The following FBXL7 variants were observed in gnomAD, a reference collection of about 807,000 sequenced individuals.
FBXL7 encodes the protein F-box and leucine rich repeat protein 7.
Under a neutral mutation model 38.3 loss-of-function variants are expected in FBXL7, and 12 were observed. That is an observed-to-expected ratio of 0.31 (90% confidence interval 0.20 to 0.51). The LOEUF (loss-of-function observed/expected upper bound fraction) is 0.51, where lower values mean the gene tolerates loss of function less well. FBXL7 is among the 20% of genes least tolerant of loss of function. The pLI is 0.98. For synonymous variants in FBXL7, 297 were observed against 300.9 expected, an observed-to-expected ratio of 0.99 and a Z score of 0.13; for missense variants, 567 against 676.4, an observed-to-expected ratio of 0.84 and a Z score of 1.79.
chr5:15,671,769 C>T (rs1742486540), intron 2 of FBXL7, among the ~76,000 whole-genome samples: 1 of 152,120 alleles, frequency 6.6e-6, no homozygotes, highest in Non-Finnish European at 1.5e-5. Context: ...TGCATTGAAA[C>T]CAAACAATTA....
chr5:15,838,890 A>G (rs1344213065), intron 2 of FBXL7, among the ~76,000 whole-genome samples: 1 of 152,180 alleles, frequency 6.6e-6, no homozygotes, highest in African/African-American at 2.4e-5. Context: ...TTATCTTTAC[A>G]TTATATTTTG....
intron 1 of FBXL7, among the ~76,000 whole-genome samples, chr5:15,606,392 G>T (rs1740019129): frequency 6.6e-6 from 1 of 152,182 alleles, no homozygotes; most frequent in Non-Finnish European, 1.5e-5. Flanking sequence ...GCTGTGGTGG[G>T]AATTCTCCGC....
intron 1 of FBXL7, among the ~76,000 whole-genome samples, chr5:15,546,566 C>A (rs1737900665): frequency 6.6e-6 from 1 of 151,278 alleles, no homozygotes; most frequent in African/African-American, 2.4e-5. Context: ...GACTCTGTCT[C>A]CAAAAAAAAC....
At chr5:15,813,335 C>A (rs1737920267) in intron 2 of FBXL7, among the ~76,000 whole-genome samples, 1 of 152,122 alleles carries the variant, frequency 6.6e-6, no homozygotes, top group South Asian at 2.1e-4. Context: ...AAAGGATTCC[C>A]TATTTAATAA....
At chr5:15,825,580 A>T (rs559562088) in intron 2 of FBXL7, among the ~76,000 whole-genome samples, 29 of 152,334 alleles carry the variant, frequency 1.9e-4, no homozygotes, top group African/African-American at 6.5e-4. Flanking sequence ...TAGACCTGTC[A>T]TGTTTGTATC....
chr5:15,515,943 CAG>C (rs1284735500), intron 1 of FBXL7, among the ~76,000 whole-genome samples: 1 of 152,118 alleles, frequency 6.6e-6, no homozygotes, highest in Non-Finnish European at 1.5e-5. Context: ...AATTTAAAAA[CAG>C]ATGATTAGCT....
chr5:15,649,067 G>T (rs1014579744), intron 2 of FBXL7, among the ~76,000 whole-genome samples: 2 of 152,038 alleles, frequency 1.3e-5, no homozygotes, highest in African/African-American at 4.8e-5. Context: ...CATGATCTTG[G>T]CTCACTGCAA....
rs759730282 is a variant in FBXL7 at position 15,508,800 on chromosome 5, C to T, written c.37+8087C>T. On this transcript the variant is annotated intron_variant, in intron 1 of 3. Transcript: ENST00000504595. ...TATGCATGTGAGTGTATTATACATA[C>T]GTGTTTATATCTATCTAAATATATT... Among the ~76,000 whole-genome samples the T allele has an allele frequency of 5.4e-4, 82 of 152,142 alleles. 1 individual carries two copies. Among genetic ancestry groups the T allele is most frequent in the East Asian group, 1.2e-3 (6 of 5,176 alleles).
chr5:15,578,337 C>T (rs190612314), intron 1 of FBXL7, among the ~76,000 whole-genome samples: 199 of 152,182 alleles, frequency 1.3e-3, no homozygotes, highest in Non-Finnish European at 6.0e-4. Flanking sequence ...CCCCTTTCGG[C>T]AACAATTAGG....
In FBXL7 at chr5:15,551,264, C is replaced by T. The variant is rs115029339; in HGVS notation, c.37+50551C>T. 5.2e-3 allele frequency among the ~76,000 whole-genome samples: 793 copies of T among 152,276 alleles called. 4 individuals carry two copies. Among genetic ancestry groups the T allele is most frequent in the Middle Eastern group, 0.01 (3 of 294 alleles). On this transcript the variant is annotated intron_variant, in intron 1 of 3. Transcript: ENST00000504595. ...GCTTTCTCAGAACGTGTACTTGACC[C>T]GGAGCATCTACGTTGCCATGGAACT...
At chr5:15,566,658 C>T (rs947604456) in intron 1 of FBXL7, among the ~76,000 whole-genome samples, 13 of 152,114 alleles carry the variant, frequency 8.5e-5, no homozygotes, top group Non-Finnish European at 1.6e-4. Context: ...TTTTGAGAAG[C>T]ATATTTTATC....
rs61099822 is a variant in FBXL7 at position 15,799,927 on chromosome 5, G to GTT, written c.128-127955_128-127954dup. Reference sequence around the variant, plus strand: ...TTGAAAATGTGTACTGTCATAAAGTGTTTTTTTTTATTTTGTTGTTTTAAT... The same window carrying GTT: ...TTGAAAATGTGTACTGTCATAAAGTGTTTTTTTTTTTATTTTGTTGTTTTAAT... On this transcript the variant is annotated intron_variant, in intron 2 of 3. Coordinates refer to ENST00000504595, the MANE Select transcript of FBXL7 (RefSeq NM_012304.5). 5.7e-3 allele frequency among the ~76,000 whole-genome samples: 867 copies of GTT among 151,290 alleles called. 9 individuals carry two copies. Among genetic ancestry groups the GTT allele is most frequent in the African/African-American group, 0.02 (810 of 41,230 alleles).
intron 2 of FBXL7, among the ~76,000 whole-genome samples, chr5:15,674,724 C>A (rs1379432677): frequency 6.6e-6 from 1 of 152,214 alleles, no homozygotes; most frequent in Non-Finnish European, 1.5e-5. Flanking sequence ...AGCCCAATCT[C>A]TCCTAATCAC....
At position 15,760,241 on chromosome 5, in the gene FBXL7, A is replaced by G. The variant is rs886858149; in HGVS notation, c.127+144169A>G. Among the ~76,000 whole-genome samples, 4 of 152,148 alleles carry G rather than the reference A, an allele frequency of 2.6e-5. No homozygotes were observed. The South Asian group carries it at 6.2e-4, about 24-fold the overall frequency. On this transcript the variant is annotated intron_variant, in intron 2 of 3. Transcript: ENST00000504595. The stretch of plus-strand genomic sequence containing the variant: ...CATTGTGCACACCTACAAAGCATGC[A>G]CAAACCATAGCTGATCATTCTGCAG...
intron 2 of FBXL7, among the ~76,000 whole-genome samples, chr5:15,787,961 G>C (rs1737173391): frequency 6.6e-6 from 1 of 152,186 alleles, no homozygotes; most frequent in Admixed American, 6.5e-5. Flanking sequence ...AACTAAAAAT[G>C]TCAACAGTGC....
chr5:15,725,357 G>A (rs1744315825), intron 2 of FBXL7, among the ~76,000 whole-genome samples: 1 of 151,838 alleles, frequency 6.6e-6, no homozygotes, highest in African/African-American at 2.4e-5. Flanking sequence ...TCATCTCTAA[G>A]CATTTTCTAA....
chr5:15,610,692 C>A (rs1273486175), intron 1 of FBXL7, among the ~76,000 whole-genome samples: 1 of 152,194 alleles, frequency 6.6e-6, no homozygotes, highest in Non-Finnish European at 1.5e-5. Flanking sequence ...GAACCTCATT[C>A]TACAAAGATT....
chr5:15,616,374 G>T (rs566747703), intron 2 of FBXL7, among the ~76,000 whole-genome samples: 17 of 152,206 alleles, frequency 1.1e-4, no homozygotes, highest in Admixed American at 8.5e-4. Context: ...TTGTCTTTCC[G>T]TATAAAAAAT....
At position 15,691,937 on chromosome 5, in the gene FBXL7, G is replaced by A. The variant is rs112315778; in HGVS notation, c.127+75865G>A. Among the ~76,000 whole-genome samples the A allele has an allele frequency of 4.6e-3, 703 of 152,264 alleles. 12 individuals carry two copies. Among genetic ancestry groups the A allele is most frequent in the African/African-American group, 0.016 (675 of 41,558 alleles). On this transcript the variant is annotated intron_variant, in intron 2 of 3. Coordinates refer to ENST00000504595, the MANE Select transcript of FBXL7 (RefSeq NM_012304.5). ...GCACAGTTCAGATGAGAGGTGGCTG[G>A]TTTAGGGTTCTGATAAACAGCAATC...
Sources: allele counts gnomAD v4.1 joint callset (sites outside exome capture counted in the v4.1 genomes callset), GRCh38; gene constraint gnomAD v4.1.1; transcripts MANE v1.5; gene names NCBI Gene and HGNC (gene_info 2026-07-23, HGNC 2026-07-21).